Variants in MACROD2 observed in about 807,000 individuals in gnomAD.
MACROD2 encodes the protein mono-ADP ribosylhydrolase 2.
MACROD2 carries 36 observed loss-of-function variants against 70.4 expected under a neutral mutation model. The observed-to-expected ratio is 0.51, with a 90% CI of 0.39 to 0.68. The LOEUF is 0.68. Ranked by LOEUF, MACROD2 falls within the 30% of genes least tolerant of loss-of-function variation. The pLI is 0.00. For missense variants in MACROD2, 496 were observed against 538.4 expected (o/e 0.92, Z 0.78); for synonymous variants, 172 against 178.8 (o/e 0.96, Z 0.30).
At chr20:14,775,751 A>T (rs993430107) in intron 5 of MACROD2, among the ~76,000 whole-genome samples, 3 of 151,974 alleles carry the variant, frequency 2.0e-5, no homozygotes, top group African/African-American at 7.3e-5. Flanking sequence ...CATAGAAACC[A>T]TATTCTTCCT....
At chr20:14,737,372 G>T (rs970468316) in intron 5 of MACROD2, among the ~76,000 whole-genome samples, 2 of 152,104 alleles carry the variant, frequency 1.3e-5, no homozygotes, top group Non-Finnish European at 2.9e-5. Flanking sequence ...ATTTGTGTTG[G>T]TTCCAAGTCT....
chr20:15,377,036 A>G lies in MACROD2; in HGVS notation c.541-54369A>G, dbSNP rs1345411466. Among the ~76,000 whole-genome samples the G allele has an allele frequency of 3.3e-5, 5 of 152,096 alleles. No homozygotes were observed. In the East Asian group the frequency reaches 7.7e-4, roughly 24 times the overall value. ...CTCCTGAGTAGCTGGGACTACAGGC[A>G]CCTGCCACCATGCCTGGCTAATTTT... On this transcript the variant is annotated intron_variant, in intron 6 of 17. Coordinates refer to ENST00000684519, the MANE Select transcript of MACROD2 (RefSeq NM_001351661.2).
chr20:14,751,542 T>C (rs540341897), intron 5 of MACROD2, among the ~76,000 whole-genome samples: 5 of 152,262 alleles, frequency 3.3e-5, no homozygotes, highest in African/African-American at 1.2e-4. Flanking sequence ...TAATCAACAA[T>C]GTCAAACTTC....
chr20:15,311,195 C>G (rs574526132), intron 6 of MACROD2, among the ~76,000 whole-genome samples: 1 of 151,776 alleles, frequency 6.6e-6, no homozygotes, highest in African/African-American at 2.4e-5. Flanking sequence ...TAATGGTTAA[C>G]CTGTAGTATT....
chr20:15,732,691 ACT>A (rs2050962363), intron 8 of MACROD2, among the ~76,000 whole-genome samples: 1 of 151,224 alleles, frequency 6.6e-6, no homozygotes, highest in African/African-American at 2.4e-5. Flanking sequence ...ACATCATTGG[ACT>A]CTATTTGCTA....
At chr20:14,100,827 ACATATATAATATAATATAATATATAT>A (rs1411357990) in intron 3 of MACROD2, among the ~76,000 whole-genome samples, 1 of 133,772 alleles carries the variant, frequency 7.5e-6, no homozygotes, top group Non-Finnish European at 1.6e-5. Flanking sequence ...ATCATATATA[ACATATATAATATAATATAATATATAT>A]CATATATAAT....
chr20:14,887,096 A>G (rs1237528497), intron 5 of MACROD2, among the ~76,000 whole-genome samples: 1 of 152,164 alleles, frequency 6.6e-6, no homozygotes, highest in African/African-American at 2.4e-5. Context: ...ATATCATAGT[A>G]TATTTATTAC....
chr20:14,178,726 CTTTT>C (rs79773305), intron 3 of MACROD2, among the ~76,000 whole-genome samples: 17 of 102,980 alleles, frequency 1.7e-4, no homozygotes, highest in African/African-American at 2.6e-4. Flanking sequence ...GCCAAGTCAG[CTTTT>C]TTTTTTTTTT....
intron 5 of MACROD2, among the ~76,000 whole-genome samples, chr20:14,854,037 AG>A: frequency 6.6e-6 from 1 of 152,198 alleles, no homozygotes; most frequent in Middle Eastern, 3.4e-3. Context: ...GGTCAGCATT[AG>A]GGGCTTAGTA....
chr20:15,556,408 C>T (rs1468623708), intron 8 of MACROD2, among the ~76,000 whole-genome samples: 1 of 151,928 alleles, frequency 6.6e-6, no homozygotes, highest in Non-Finnish European at 1.5e-5. Context: ...AAAATCTTTG[C>T]TTAAACTGAA....
In MACROD2 at chr20:14,321,989, TG is replaced by T. The variant is rs1430743930; in HGVS notation, c.272-171489del. On this transcript the variant is annotated intron_variant, in intron 3 of 17. Coordinates refer to ENST00000684519, the MANE Select transcript of MACROD2 (RefSeq NM_001351661.2). ...TTTTGTAGCTTTCCCAGTTTTTTTT[TG>T]TTGTTGTTTTTGTTAAAGTTATATG... Among the ~76,000 whole-genome samples, 6 of 151,332 alleles carry T rather than the reference TG, an allele frequency of 4.0e-5. No individual in the cohort carries two copies. The East Asian group carries it at 1.2e-3, about 29-fold the overall frequency.
intron 4 of MACROD2, among the ~76,000 whole-genome samples, chr20:14,524,077 T>A (rs975468570): frequency 4.6e-5 from 7 of 152,188 alleles, no homozygotes; most frequent in African/African-American, 1.7e-4. Flanking sequence ...TATAGCTAGG[T>A]TGATTATATA....
chr20:14,908,512 G>A (rs111823737), intron 5 of MACROD2, among the ~76,000 whole-genome samples: 1,826 of 151,826 alleles, frequency 0.012, 30 homozygotes, highest in East Asian at 0.056. Context: ...AAAATTAGCC[G>A]GACTTGTTGT....
intron 8 of MACROD2, among the ~76,000 whole-genome samples, chr20:15,568,206 T>C (rs2048333335): frequency 6.6e-6 from 1 of 152,226 alleles, no homozygotes; most frequent in African/African-American, 2.4e-5. Context: ...GAAGTTCTAT[T>C]GAGAGTTTCG....
At chr20:15,183,053 C>T (rs994191171) in intron 5 of MACROD2, among the ~76,000 whole-genome samples, 1 of 152,154 alleles carries the variant, frequency 6.6e-6, no homozygotes, top group Non-Finnish European at 1.5e-5. Flanking sequence ...TTTCCACCAC[C>T]ATCTATAGAG....
intron 5 of MACROD2, among the ~76,000 whole-genome samples, chr20:14,910,650 G>A (rs755357361): frequency 4.6e-5 from 7 of 152,158 alleles, no homozygotes; most frequent in Non-Finnish European, 1.0e-4. Flanking sequence ...TCACATGTAT[G>A]TCACTCTCAT....
intron 4 of MACROD2, among the ~76,000 whole-genome samples, chr20:14,523,132 G>A (rs912665092): frequency 2.6e-5 from 4 of 151,986 alleles, no homozygotes. Context: ...AAAAAAAGAC[G>A]CTGGCATGTT....
At chr20:14,807,634 C>G (rs529107326) in intron 5 of MACROD2, among the ~76,000 whole-genome samples, 1 of 152,160 alleles carries the variant, frequency 6.6e-6, no homozygotes, top group East Asian at 1.9e-4. Flanking sequence ...TGAGTAATAA[C>G]AAATTCCTCT....
chr20:15,040,492 A>G lies in MACROD2; in HGVS notation c.419-189448A>G, dbSNP rs1254652934. Among the ~76,000 whole-genome samples, 7 of 152,244 alleles carry G rather than the reference A, an allele frequency of 4.6e-5. No homozygotes were observed. In the South Asian group the frequency reaches 1.2e-3, roughly 27 times the overall value. On this transcript the variant is annotated intron_variant, in intron 5 of 17. Coordinates refer to ENST00000684519, the MANE Select transcript of MACROD2 (RefSeq NM_001351661.2). ...TAGCCAAGGGCTTTGTAGAAGGACT[A>G]TGTTTCTACCAGTGGTATGTCACTG... is the stretch of plus-strand genomic sequence containing the variant.
Sources: gnomAD v4.1 joint callset for allele counts (sites outside exome capture counted in the v4.1 genomes callset) on GRCh38, gnomAD v4.1.1 for gene constraint, MANE v1.5 for transcripts, NCBI Gene and HGNC (gene_info 2026-07-23, HGNC 2026-07-21) for gene names.